PTCH1: variants seen among roughly 807,000 people sequenced by gnomAD.
PTCH1 encodes the protein patched 1, also known as protein patched homolog 1.
A neutral mutation model predicts 144.6 loss-of-function variants in PTCH1; 14 were observed. The observed-to-expected ratio is 0.10, with a 90% CI of 0.06 to 0.15. The LOEUF (loss-of-function observed/expected upper bound fraction) is 0.15. Among genes scored for constraint, PTCH1 ranks in the 10% least tolerant of loss-of-function variants. The pLI is 1.00. For missense variants in PTCH1, 1,623 were observed against 1,948.3 expected, an observed-to-expected ratio of 0.83 and a Z score of 3.14; for synonymous variants, 833 against 793.6, an observed-to-expected ratio of 1.05 and a Z score of -0.83.
At chr9:95,510,713 C>A (rs1455409248), upstream of PTCH1, among the ~76,000 whole-genome samples, 1 of 150,070 alleles carries the variant, frequency 6.7e-6, no homozygotes, top group Non-Finnish European at 1.5e-5. Flanking sequence ...CTTTAAGATG[C>A]GCACGGTGTA....
chr9:95,479,298 G>A, intron 7 of PTCH1, 151 bp from the exon 8 acceptor site: 1 of 1,012,004 alleles, frequency 9.9e-7, no homozygotes, highest in Non-Finnish European at 1.5e-6. Flanking sequence ...GGACCAGGAT[G>A]GTTATTTTAT....
intron 6 of PTCH1, 46 bp downstream of exon 6, chr9:95,480,344 T>C (rs748151068): frequency 1.9e-6 from 3 of 1,594,544 alleles, no homozygotes; most frequent in Non-Finnish European, 2.6e-6. Context: ...CACAAAAAAG[T>C]GTTTTGCTCT....
Position 95,485,890 on chromosome 9 carries a change from A to G in PTCH1, c.395-16T>C. 1.2e-6 allele frequency: 2 copies of G among 1,614,074 alleles called. No individual in the cohort carries two copies. Among genetic ancestry groups the G allele is most frequent in the Non-Finnish European group, 8.5e-7 (1 of 1,179,912 alleles). ...CGTCCTCCAACTGACAAATATGTAC[A>G]GGTTTAATTAGAATAGCAAAATCAC... is the stretch of plus-strand genomic sequence containing the variant. On this transcript the variant is annotated splice_polypyrimidine_tract_variant and intron_variant, in intron 2 of 23. Transcript: ENST00000331920.
chr9:95,509,417 A>T (rs865926204), upstream of PTCH1, among the ~76,000 whole-genome samples: 7 of 152,210 alleles, frequency 4.6e-5, no homozygotes, highest in Non-Finnish European at 1.0e-4. Context: ...GCAACAGCTC[A>T]CCAAAGTAGA....
chr9:95,477,105 C>G (rs932932445), intron 10 of PTCH1, among the ~76,000 whole-genome samples: 1 of 152,246 alleles, frequency 6.6e-6, no homozygotes, highest in Non-Finnish European at 1.5e-5. Flanking sequence ...AGGAATCCAA[C>G]TCATTTAAGC....
Position 95,479,137 on chromosome 9 carries a change from G to C in PTCH1, c.1078C>G (p.Leu360Val). 6.2e-7 allele frequency: 1 copy of C among 1,614,066 alleles called. No individual in the cohort carries two copies. Among genetic ancestry groups the C allele is most frequent in the Non-Finnish European group, 8.5e-7 (1 of 1,180,016 alleles). Residue 360 changes from leucine (L) to valine (V), a missense_variant, in exon 8 of 24, where the codon CTG becomes GTG. Around this residue, in one of 7 missense-constraint regions of PTCH1, gnomAD observed 230 missense variants for 271.0 expected, o/e 0.85. Transcript: ENST00000331920. ...GTCATTAACTGGAACATGGTCTGCAGGGCATGGGCGCTGCAGCACAGTCCA... is the reference window on the plus strand; with the variant it reads ...GTCATTAACTGGAACATGGTCTGCACGGCATGGGCGCTGCAGCACAGTCCA... ...STGKLVSAHA[L>V]QTMFQLMTPK...
chr9:95,465,451 G>T (rs528547908), intron 15 of PTCH1, among the ~76,000 whole-genome samples: 1 of 152,186 alleles, frequency 6.6e-6, no homozygotes, highest in Non-Finnish European at 1.5e-5. Flanking sequence ...TAAACTAAAT[G>T]TGAAAAATAA....
chr9:95,456,559 T>C, intron 18 of PTCH1, 146 bp from the exon 19 acceptor site: 1 of 1,143,438 alleles, frequency 8.7e-7, no homozygotes, highest in South Asian at 1.5e-5. Context: ...ACACTGCCTT[T>C]ACTGCCTAAT....
rs1841223979 is a variant in PTCH1 at position 95,478,107 on chromosome 9, T to G, written c.1295A>C (p.Lys432Thr). The change falls in exon 9 of 24, where the codon AAA (lysine) becomes ACA (threonine). Residue 432 changes from lysine to threonine, a missense_variant. Physicochemically the swap from Lys to Thr is moderately conservative, Grantham distance 78 (BLOSUM62 -1). This residue lies in a region of PTCH1 where 230 missense variants were observed against 271.0 expected (regional missense o/e 0.85). Coordinates refer to ENST00000331920, the MANE Select transcript of PTCH1 (RefSeq NM_000264.5). ...GATGACACTGACGTCAGAGAAGGAT[T>G]TCAGGATGTCGTCCAGGGTCGTGGT... ...FTTTTLDDIL[K>T]SFSDVSVIRV... The G allele has an allele frequency of 6.2e-7, 1 of 1,614,124 alleles. No homozygotes were observed. Among genetic ancestry groups the G allele is most frequent in the Non-Finnish European group, 8.5e-7 (1 of 1,180,024 alleles).
At chr9:95,477,042 C>A (rs908189952) in intron 10 of PTCH1, among the ~76,000 whole-genome samples, 185 bp from the exon 11 acceptor site, 1 of 152,226 alleles carries the variant, frequency 6.6e-6, no homozygotes, top group Non-Finnish European at 1.5e-5. Context: ...AGATCCTGCA[C>A]GTTTCTACTT....
intron 1 of PTCH1, chr9:95,507,801 G>T (rs1023078212): frequency 2.0e-5 from 9 of 460,514 alleles, no homozygotes; most frequent in Non-Finnish European, 2.8e-5. Flanking sequence ...GAAGTTCAGG[G>T]CAGGGGGCAC....
chr9:95,504,428 T>C (rs1402218899), intron 2 of PTCH1, among the ~76,000 whole-genome samples: 1 of 152,214 alleles, frequency 6.6e-6, no homozygotes, highest in African/African-American at 2.4e-5. Flanking sequence ...ACATTCTATC[T>C]CCTTCAACAT....
chr9:95,458,306 G>C lies in PTCH1; in HGVS notation c.2888-13C>G. The C allele has an allele frequency of 1.2e-6, 2 of 1,613,128 alleles. No homozygotes were observed. Among genetic ancestry groups the C allele is most frequent in the Admixed American group, 3.3e-5 (2 of 59,914 alleles). On this transcript the variant is annotated splice_polypyrimidine_tract_variant and intron_variant, in intron 17 of 23. Coordinates refer to ENST00000331920, the MANE Select transcript of PTCH1 (RefSeq NM_000264.5). This position sits in a 1 kb window ranked among gnomAD's most constrained non-coding sequence, Gnocchi z 4.7. Reference sequence around the variant, plus strand: ...TCTGCTGCCGGGACTGGACAGAGAAGGGCACAGGTTAGGAGCAGCCCAGGG... The same window carrying C: ...TCTGCTGCCGGGACTGGACAGAGAACGGCACAGGTTAGGAGCAGCCCAGGG...
chr9:95,474,323 C>A (rs993231631), intron 12 of PTCH1, among the ~76,000 whole-genome samples: 1 of 151,966 alleles, frequency 6.6e-6, no homozygotes, highest in South Asian at 2.1e-4. Context: ...ACCGGCTGCA[C>A]GTGAAATGAG....
rs1183449833 is a variant in PTCH1, at chr9:95,477,634, A to G, written c.1416T>C (p.Ala472=). 1.2e-6 allele frequency: 2 copies of G among 1,614,238 alleles called. No individual in the cohort carries two copies. The highest frequency in any genetic ancestry group is 1.7e-6 in the Non-Finnish European group (2 of 1,180,038). The change falls in exon 10 of 24, where the codon GCT becomes GCC. Residue 472 remains alanine (A), a synonymous_variant. Transcript: ENST00000331920. ...CSKSQGAVGL[A]GVLLVALSVA... ...CTGACAGTGCAACCAGCAGGACGCC[A>G]GCCAGCCCCACGGCACCCTGGGACT...
chr9:95,488,103 T>G (rs1405822953), intron 2 of PTCH1, among the ~76,000 whole-genome samples: 1 of 152,178 alleles, frequency 6.6e-6, no homozygotes, highest in Non-Finnish European at 1.5e-5. Flanking sequence ...CAGACCAACC[T>G]CATAATGGAG....
chr9:95,514,024 G>A (rs1237565587), upstream of PTCH1: 2 of 152,226 alleles, frequency 1.3e-5, no homozygotes, highest in African/African-American at 4.8e-5. Flanking sequence ...AGAGGGGAGT[G>A]TCCTGAGAAG....
At chr9:95,450,012 A>C (rs556181262) in intron 20 of PTCH1, 72 bp from the exon 21 acceptor site, 167 of 1,367,816 alleles carry the variant, frequency 1.2e-4, no homozygotes, top group Non-Finnish European at 1.7e-4. Context: ...TGTGCCCGAC[A>C]CAGCAGCATG....
At position 95,482,143 on chromosome 9, in the gene PTCH1, G is replaced by A. The variant is rs878853858; in HGVS notation, c.645C>T (p.Tyr215=). The change falls in exon 4 of 24, where the codon TAC becomes TAT. Residue 215 remains tyrosine, a synonymous_variant. Transcript: ENST00000331920. ...KSGELITETG[Y]MDQIIEYLYP... is the part of the protein sequence containing the mutation. ...CAAGAAGAAAATATACCTGATCCAT[G>A]TAACCTGTTTCTGTGATAAGCTCTC... is the stretch of plus-strand genomic sequence containing the variant. The A allele has an allele frequency of 4.3e-6, 7 of 1,614,114 alleles. No individual in the cohort carries two copies. Among genetic ancestry groups the A allele is most frequent in the Non-Finnish European group, 5.9e-6 (7 of 1,179,954 alleles).
Sources: allele counts gnomAD v4.1 joint callset (sites outside exome capture counted in the v4.1 genomes callset), GRCh38; gene constraint gnomAD v4.1.1; regional missense constraint gnomAD v4.1.1; non-coding constraint Gnocchi (gnomAD v3.1); transcripts MANE v1.5; gene names NCBI Gene and HGNC (gene_info 2026-07-23, HGNC 2026-07-21).